Variants in RRM2 observed in about 807,000 individuals in gnomAD.
RRM2 encodes ribonucleoside-diphosphate reductase subunit M2.
RRM2 carries 6 observed loss-of-function variants against 45.9 expected under a neutral mutation model. That is an observed-to-expected ratio of 0.13 (90% CI 0.07 to 0.26). The LOEUF (loss-of-function observed/expected upper bound fraction) is 0.26. RRM2 is among the 10% of genes least tolerant of loss of function. RRM2 has a pLI of 1.00. For synonymous variants in RRM2, 177 were observed against 173.0 expected (o/e 1.02, Z -0.18); for missense variants, 343 against 489.5 (o/e 0.70, Z 2.82).
rs374826185 is a variant in RRM2 at position 10,148,143 on chromosome 2, C to CA, written n.482+5798dup. ...TGGGCAACAGAGTGAGACCCTGACT[C>CA]AAAAAAAAAAAAAAAAAAAAAAAAA... On this transcript the variant is annotated intron_variant and non_coding_transcript_variant, in intron 3 of 3. Transcript: ENST00000381786. Among the ~76,000 whole-genome samples the CA allele has an allele frequency of 1.8e-3, 215 of 119,490 alleles. 1 individual carries two copies. Among genetic ancestry groups the CA allele is most frequent in the East Asian group, 6.3e-3 (16 of 2,526 alleles). 78.4% of individuals were successfully genotyped at this position (119,490 alleles called of 152,430 possible).
In RRM2 at chr2:10,129,435, A is replaced by C. The variant is rs567302711; in HGVS notation, c.*49A>C. On this transcript the variant is annotated 3_prime_UTR_variant, in exon 10 of 10. Coordinates refer to ENST00000304567, the MANE Select transcript of RRM2 (RefSeq NM_001034.4). This position sits in a 1 kb window ranked among gnomAD's most constrained non-coding sequence, Gnocchi z 4.8. ...TTGGCTGATTTTTTTTTTCCATCTC[A>C]TAAGAAAAATCAGCTGAAGTGTTAC... The C allele has an allele frequency of 6.4e-7, 1 of 1,562,956 alleles. No individual in the cohort carries two copies. Among genetic ancestry groups the C allele is most frequent in the Non-Finnish European group, 8.6e-7 (1 of 1,157,388 alleles).
upstream of RRM2, among the ~76,000 whole-genome samples, chr2:10,139,205 G>A (rs924587756): frequency 3.3e-5 from 5 of 152,150 alleles, no homozygotes; most frequent in African/African-American, 7.2e-5. Context: ...AAGAAAGCTC[G>A]TGTCCCTTAG....
chr2:10,123,238 C>T (rs1458252350), intron 2 of RRM2, 149 bp from the exon 3 acceptor site: 5 of 1,290,730 alleles, frequency 3.9e-6, no homozygotes, highest in African/African-American at 3.0e-5. Context: ...GTGCGCTCCT[C>T]TGCTGCGACC....
In RRM2 at chr2:10,129,437, A is replaced by C; in HGVS notation, c.*51A>C. On this transcript the variant is annotated 3_prime_UTR_variant, in exon 10 of 10. Coordinates refer to ENST00000304567, the MANE Select transcript of RRM2 (RefSeq NM_001034.4). The surrounding 1 kb of genome is among the most constrained non-coding windows in gnomAD (Gnocchi z 4.8). ...GGCTGATTTTTTTTTTCCATCTCAT[A>C]AGAAAAATCAGCTGAAGTGTTACCA... The C allele has an allele frequency of 1.3e-6, 2 of 1,558,124 alleles. No individual in the cohort carries two copies. Among genetic ancestry groups the C allele is most frequent in the Non-Finnish European group, 1.7e-6 (2 of 1,153,552 alleles).
At position 10,185,630 on chromosome 2, in the gene RRM2, C is replaced by T. The variant is rs1664148742; in HGVS notation, n.483-24681C>T. ...TGTTCTCAAGTGTACTGGATACATT[C>T]TTGAAAATACTCTTGAACATATTCT... is the stretch of plus-strand genomic sequence containing the variant. On this transcript the variant is annotated intron_variant and non_coding_transcript_variant, in intron 3 of 3. Coordinates refer to the RRM2 transcript ENST00000381786. The surrounding 1 kb of genome is among the most constrained non-coding windows in gnomAD (Gnocchi z 4.3). Among the ~76,000 whole-genome samples, 1 of 152,170 alleles carries T rather than the reference C, an allele frequency of 6.6e-6. No homozygotes were observed. The highest frequency in any genetic ancestry group is 2.4e-5 in the African/African-American group (1 of 41,416).
At chr2:10,125,507 C>G (rs1437147530) in intron 5 of RRM2, among the ~76,000 whole-genome samples, 3 of 152,100 alleles carry the variant, frequency 2.0e-5, no homozygotes, top group Non-Finnish European at 4.4e-5. Flanking sequence ...AGATCGAGAC[C>G]ATCCTGGCTA....
intron 3 of RRM2, among the ~76,000 whole-genome samples, chr2:10,202,849 C>T (rs544575937): frequency 9.9e-5 from 15 of 151,612 alleles, no homozygotes; most frequent in Non-Finnish European, 1.9e-4. Flanking sequence ...TTGCCTGCCT[C>T]GGCCTCCCAA....
At chr2:10,175,628 C>T (rs555344723) in intron 3 of RRM2, among the ~76,000 whole-genome samples, 3 of 152,298 alleles carry the variant, frequency 2.0e-5, no homozygotes, top group Non-Finnish European at 2.9e-5. Context: ...GACAGAGTCT[C>T]GCTATGTACC....
upstream of RRM2, among the ~76,000 whole-genome samples, chr2:10,137,851 A>G (rs144870808): frequency 6.6e-6 from 1 of 152,242 alleles, no homozygotes; most frequent in East Asian, 1.9e-4. Flanking sequence ...CGAGATGGGA[A>G]GGAATTTGCT....
At chr2:10,150,771 G>GTTTTTTTTT (rs61292654) in intron 3 of RRM2, among the ~76,000 whole-genome samples, 131 of 92,580 alleles carry the variant, frequency 1.4e-3, no homozygotes, top group Non-Finnish European at 1.9e-3. Context: ...AGTGTGTTGT[G>GTTTTTTTTT]TTTTTTTTTT....
rs1210532553 is a variant in RRM2, at chr2:10,172,368, AGGGGAGGGGCG to A, written n.482+29995_482+30005del. Among the ~76,000 whole-genome samples the A allele has an allele frequency of 6.6e-6, 1 of 152,064 alleles. No homozygotes were observed. The highest frequency in any genetic ancestry group is 1.5e-5 in the Non-Finnish European group (1 of 67,980). Reference sequence around the variant, plus strand: ...CATCTGACCCTGCTCCGGAGGGACCAGGGGAGGGGCGGACGGAGGACACTGCTTCTGCAGCG... The same window carrying A: ...CATCTGACCCTGCTCCGGAGGGACCAGACGGAGGACACTGCTTCTGCAGCG... On this transcript the variant is annotated intron_variant and non_coding_transcript_variant, in intron 3 of 3. Coordinates refer to the RRM2 transcript ENST00000381786. This position sits in a 1 kb window ranked among gnomAD's most constrained non-coding sequence, Gnocchi z 4.9.
intron 3 of RRM2, among the ~76,000 whole-genome samples, chr2:10,200,437 G>A (rs56128314): frequency 0.019 from 1,526 of 81,708 alleles, 59 homozygotes; most frequent in African/African-American, 0.046. Flanking sequence ...GACCGCGCGC[G>A]CAAAATATGA....
chr2:10,175,600 T>G (rs12621801), intron 3 of RRM2, among the ~76,000 whole-genome samples: 1 of 151,638 alleles, frequency 6.6e-6, no homozygotes, highest in Non-Finnish European at 1.5e-5. Flanking sequence ...TAAAAAAAAA[T>G]TTTATTTTAG....
intron 3 of RRM2, among the ~76,000 whole-genome samples, chr2:10,186,314 AT>A (rs60113793): frequency 0.018 from 2,660 of 145,544 alleles, 84 homozygotes; most frequent in African/African-American, 0.062. Flanking sequence ...TGCCCAGCTA[AT>A]TTTTTTTTTT....
chr2:10,148,096 A>G (rs192117766), intron 3 of RRM2, among the ~76,000 whole-genome samples: 1,641 of 146,212 alleles, frequency 0.011, 13 homozygotes, highest in Non-Finnish European at 0.016. Context: ...ATGAGCCAGG[A>G]TCATGCCACT....
At chr2:10,144,080 C>T (rs577438769) in intron 3 of RRM2, among the ~76,000 whole-genome samples, 15 of 152,312 alleles carry the variant, frequency 9.8e-5, no homozygotes, top group South Asian at 2.1e-4. Context: ...TCACGCACAG[C>T]GCCTGTTGGG....
At chr2:10,141,206 T>A (rs1414681325), upstream of RRM2, among the ~76,000 whole-genome samples, 3 of 152,160 alleles carry the variant, frequency 2.0e-5, no homozygotes. Context: ...CAGAAACCGC[T>A]GGCTTGGAGC....
rs1662723025 is a variant in RRM2, at chr2:10,123,855, G to A, written c.435+3G>A. ...ATGGCATAGTAAATGAAAACTTGGT[G>A]AGTTTCCAAAACATCTTTCATTCAT... On this transcript the variant is annotated splice_donor_region_variant and intron_variant, in intron 4 of 9. Transcript: ENST00000304567. 5.3e-6 allele frequency: 8 copies of A among 1,501,568 alleles called. No homozygotes were observed. The highest frequency in any genetic ancestry group is 5.6e-6 in the Non-Finnish European group (6 of 1,078,010). 93.0% of individuals were successfully genotyped at this position (1,501,568 alleles called of 1,614,324 possible). A position where few individuals can be genotyped will look rare whatever the true frequency, so the allele number is the denominator to read the frequency against.
rs879880111 is a variant in RRM2 at position 10,172,591 on chromosome 2, C to T, written n.482+30216C>T. Among the ~76,000 whole-genome samples the T allele has an allele frequency of 7.9e-5, 12 of 152,168 alleles. No homozygotes were observed. The highest frequency in any genetic ancestry group is 1.6e-4 in the Non-Finnish European group (11 of 68,032). On this transcript the variant is annotated intron_variant and non_coding_transcript_variant, in intron 3 of 3. Coordinates refer to the RRM2 transcript ENST00000381786. This position sits in a 1 kb window ranked among gnomAD's most constrained non-coding sequence, Gnocchi z 4.9. ...TTTCCAGCTTCAAAGACAACCTGTGCCCTTTCCCCAGCCCTCCGCATGGCA... is the reference window on the plus strand; with the variant it reads ...TTTCCAGCTTCAAAGACAACCTGTGTCCTTTCCCCAGCCCTCCGCATGGCA...
Sources: allele counts gnomAD v4.1 joint callset (sites outside exome capture counted in the v4.1 genomes callset), GRCh38; gene constraint gnomAD v4.1.1; non-coding constraint Gnocchi (gnomAD v3.1); transcripts MANE v1.5; gene names NCBI Gene and HGNC (gene_info 2026-07-23, HGNC 2026-07-21).